Variants in SNX29 observed in about 807,000 individuals in gnomAD.
SNX29 encodes sorting nexin 29.
SNX29 carries 78 observed loss-of-function variants against 102.1 expected under a neutral mutation model. That is an observed-to-expected ratio of 0.76 (90% CI 0.64 to 0.92). SNX29 has a LOEUF of 0.92. SNX29 is among the 40% of genes least tolerant of loss of function. The probability of loss-of-function intolerance (pLI) is 0.00; values close to 1 mark genes in which losing one functional copy is unlikely to be tolerated. For synonymous variants in SNX29, 580 were observed against 414.5 expected, an observed-to-expected ratio of 1.40 and a Z score of -4.85; for missense variants, 1,280 against 1,061.7, an observed-to-expected ratio of 1.21 and a Z score of -2.86.
chr16:12,306,014 G>A (rs764436727), intron 15 of SNX29, among the ~76,000 whole-genome samples: 6 of 151,950 alleles, frequency 3.9e-5, no homozygotes, highest in Non-Finnish European at 5.9e-5. Flanking sequence ...GGTTCTCTCT[G>A]TGGCCTTAAC....
chr16:12,353,143 T>A (rs1439944694), intron 15 of SNX29, among the ~76,000 whole-genome samples: 3 of 152,184 alleles, frequency 2.0e-5, no homozygotes, highest in African/African-American at 7.2e-5. Context: ...GGATGTGAAC[T>A]GTGTGGCTCT....
At chr16:12,499,713 G>A (rs978759439) in intron 19 of SNX29, among the ~76,000 whole-genome samples, 1 of 152,068 alleles carries the variant, frequency 6.6e-6, no homozygotes, top group African/African-American at 2.4e-5. Flanking sequence ...TCACTCTGTC[G>A]CCCAGGCTGG....
At chr16:12,244,468 G>A (rs1052190093) in intron 14 of SNX29, among the ~76,000 whole-genome samples, 6 of 152,100 alleles carry the variant, frequency 3.9e-5, no homozygotes, top group Admixed American at 6.5e-5. Context: ...AATTAGCTGG[G>A]CATGGTGGTG....
rs117108995 is a variant in SNX29, at chr16:12,087,647, A to T, written c.1402+8732A>T. 739 of 359,198 alleles carry T rather than the reference A, an allele frequency of 2.1e-3. 13 individuals carry two copies. In the East Asian group the frequency reaches 0.048, roughly 23 times the overall value. 22.3% of individuals were successfully genotyped at this position (359,198 alleles called of 1,614,324 possible). ...CTCATTAGATGGTAAAGCAGCCGTCATTATGCGAGATGCCTCTCTGAAGTT... is the reference window on the plus strand; with the variant it reads ...CTCATTAGATGGTAAAGCAGCCGTCTTTATGCGAGATGCCTCTCTGAAGTT... On this transcript the variant is annotated intron_variant, in intron 11 of 20. Transcript: ENST00000566228.
chr16:12,410,226 C>G (rs2084342996), intron 18 of SNX29, among the ~76,000 whole-genome samples: 1 of 152,140 alleles, frequency 6.6e-6, no homozygotes, highest in Non-Finnish European at 1.5e-5. Flanking sequence ...GATCTTCTGA[C>G]CTCGTGATCC....
intron 20 of SNX29, among the ~76,000 whole-genome samples, chr16:12,560,467 G>A (rs1017726638): frequency 6.6e-6 from 1 of 152,112 alleles, no homozygotes; most frequent in African/African-American, 2.4e-5. Flanking sequence ...GTTCTTGCCT[G>A]GGAGTCACAC....
chr16:12,497,245 A>G (rs967613062), intron 19 of SNX29, among the ~76,000 whole-genome samples: 1 of 152,268 alleles, frequency 6.6e-6, no homozygotes, highest in Non-Finnish European at 1.5e-5. Flanking sequence ...GAAAAGCTTC[A>G]TTAATTTCTA....
In SNX29 at chr16:12,300,457, C is replaced by T. The variant is rs1012044294; in HGVS notation, c.1782+22421C>T. On this transcript the variant is annotated intron_variant, in intron 15 of 20. Transcript: ENST00000566228. ...TATATTTTACTGTCTTTTTATCTTC[C>T]ATTGTTTGGCATTGTGTTTTGCCTT... 2.6e-5 allele frequency among the ~76,000 whole-genome samples: 4 copies of T among 152,070 alleles called. No homozygotes were observed. In the South Asian group the frequency reaches 6.2e-4, roughly 24 times the overall value.
chr16:12,534,892 G>GGT (rs1413569112), intron 20 of SNX29, among the ~76,000 whole-genome samples: 1 of 152,138 alleles, frequency 6.6e-6, no homozygotes, highest in Non-Finnish European at 1.5e-5. Context: ...GAATCTAGTG[G>GGT]GTAGAGGCAA....
intron 13 of SNX29, among the ~76,000 whole-genome samples, chr16:12,188,317 G>A (rs1038664164): frequency 6.6e-6 from 1 of 152,184 alleles, no homozygotes. Flanking sequence ...GCTCAGAGAG[G>A]TTAAGCAACT....
At chr16:12,016,075 G>T (rs1400643928) in intron 3 of SNX29, among the ~76,000 whole-genome samples, 1 of 151,538 alleles carries the variant, frequency 6.6e-6, no homozygotes, top group African/African-American at 2.4e-5. Context: ...ATGTTGGCCA[G>T]GCTGGTCTCA....
At chr16:12,329,392 TGTG>T (rs2081228399) in intron 15 of SNX29, among the ~76,000 whole-genome samples, 1 of 152,030 alleles carries the variant, frequency 6.6e-6, no homozygotes, top group Non-Finnish European at 1.5e-5. Context: ...TACTAGCAGC[TGTG>T]TCCAGTTGAA....
intron 20 of SNX29, chr16:12,561,129 C>T (rs562930725): frequency 8.8e-6 from 2 of 228,458 alleles, no homozygotes; most frequent in Admixed American, 5.7e-5. Flanking sequence ...TCACGCAGTC[C>T]TGAGGCCCAG....
intron 11 of SNX29, among the ~76,000 whole-genome samples, chr16:12,120,686 T>A (rs2053935558): frequency 6.6e-6 from 1 of 152,128 alleles, no homozygotes; most frequent in Admixed American, 6.5e-5. Flanking sequence ...TATGTTTGGG[T>A]CCCTGGGGAC....
intron 14 of SNX29, among the ~76,000 whole-genome samples, chr16:12,259,261 G>T (rs913913949): frequency 6.6e-6 from 1 of 152,210 alleles, no homozygotes; most frequent in Non-Finnish European, 1.5e-5. Context: ...TCCGCTTCCA[G>T]GTGTACATGG....
At chr16:12,306,588 T>A (rs974415366) in intron 15 of SNX29, among the ~76,000 whole-genome samples, 2 of 152,234 alleles carry the variant, frequency 1.3e-5, no homozygotes, top group African/African-American at 4.8e-5. Flanking sequence ...CGTGTTTCGC[T>A]GTCTTTGTAA....
intron 13 of SNX29, among the ~76,000 whole-genome samples, chr16:12,175,364 C>T (rs2076236851): frequency 6.6e-6 from 1 of 151,904 alleles, no homozygotes. Flanking sequence ...GGGGGCTGGC[C>T]GGGCATGGTG....
intron 16 of SNX29, among the ~76,000 whole-genome samples, chr16:12,383,956 A>C (rs1203898544): frequency 6.6e-6 from 1 of 151,998 alleles, no homozygotes. Context: ...CCCACAAATA[A>C]GTGAGAACAT....
rs138943829 is a variant in SNX29, at chr16:12,563,386, G to C, written c.2319-5120G>C. ...TTATCGCCACGTTGATATTTTACCC[G>C]TAACCATGAAAATAGATGGCGACTG... On this transcript the variant is annotated intron_variant, in intron 20 of 20. Transcript: ENST00000566228. Among the ~76,000 whole-genome samples, 95 of 152,284 alleles carry C rather than the reference G, an allele frequency of 6.2e-4. 1 individual carries two copies. Among genetic ancestry groups the C allele is most frequent in the African/African-American group, 2.1e-3 (89 of 41,554 alleles).
Sources: allele counts gnomAD v4.1 joint callset (sites outside exome capture counted in the v4.1 genomes callset), GRCh38; gene constraint gnomAD v4.1.1; transcripts MANE v1.5; gene names NCBI Gene and HGNC (gene_info 2026-07-23, HGNC 2026-07-21).